MACO1: variants seen among roughly 807,000 people sequenced by gnomAD.
MACO1 encodes the protein macoilin 1, also known as macoilin.
Under a neutral mutation model 78.7 loss-of-function variants are expected in MACO1, and 14 were observed. The observed-to-expected ratio is 0.18, with a 90% CI of 0.12 to 0.28. The LOEUF (loss-of-function observed/expected upper bound fraction) is 0.28. MACO1 is among the 10% of genes least tolerant of loss of function. MACO1 has a pLI of 1.00. For missense variants in MACO1, 501 were observed against 799.0 expected, an observed-to-expected ratio of 0.63 and a Z score of 4.50; for synonymous variants, 288 against 291.6, an observed-to-expected ratio of 0.99 and a Z score of 0.12.
chr1:25,484,539 T>G (rs1422532734), intron 7 of MACO1, among the ~76,000 whole-genome samples: 1 of 152,256 alleles, frequency 6.6e-6, no homozygotes, highest in Non-Finnish European at 1.5e-5. Context: ...AAATAGTTAT[T>G]GAGTTTTTGG....
At chr1:25,451,014 A>G (rs1022489364) in intron 3 of MACO1, among the ~76,000 whole-genome samples, 2 of 151,900 alleles carry the variant, frequency 1.3e-5, no homozygotes, top group Non-Finnish European at 2.9e-5. Flanking sequence ...ACCTATTGGA[A>G]ACTAGTTCAG....
chr1:25,437,177 C>A (rs1482179463), intron 1 of MACO1, among the ~76,000 whole-genome samples: 1 of 151,030 alleles, frequency 6.6e-6, no homozygotes, highest in Non-Finnish European at 1.5e-5. Context: ...TTCTGTCGCC[C>A]AGGCTGGAGT....
At chr1:25,471,410 G>A (rs1382028839) in intron 6 of MACO1, among the ~76,000 whole-genome samples, 2 of 151,916 alleles carry the variant, frequency 1.3e-5, no homozygotes. Context: ...AAAATTACTT[G>A]AAATATATAC....
At chr1:25,445,953 C>G (rs1014137303) in intron 1 of MACO1, among the ~76,000 whole-genome samples, 1 of 152,106 alleles carries the variant, frequency 6.6e-6, no homozygotes, top group African/African-American at 2.4e-5. Context: ...GGAAAATTGA[C>G]CTATAGAGTA....
chr1:25,451,191 C>T (rs899927999), intron 3 of MACO1, among the ~76,000 whole-genome samples: 2 of 152,150 alleles, frequency 1.3e-5, no homozygotes, highest in African/African-American at 4.8e-5. Context: ...TCTTATTGGG[C>T]TGACAAATAT....
chr1:25,432,228 T>C (rs1215299709), intron 1 of MACO1, among the ~76,000 whole-genome samples: 6 of 152,214 alleles, frequency 3.9e-5, no homozygotes, highest in East Asian at 1.9e-4. Flanking sequence ...TCAAGAAATA[T>C]GTGAGGTAGC....
chr1:25,435,896 C>G (rs2042915338), intron 1 of MACO1, among the ~76,000 whole-genome samples: 2 of 152,216 alleles, frequency 1.3e-5, no homozygotes, highest in South Asian at 4.1e-4. Context: ...TGAAAAAGCA[C>G]TTTCCTCCAA....
At chr1:25,460,544 A>G (rs2043161994) in intron 6 of MACO1, among the ~76,000 whole-genome samples, 3 of 152,102 alleles carry the variant, frequency 2.0e-5, no homozygotes, top group South Asian at 2.1e-4. Context: ...AGCTGGGACT[A>G]CAGGCGCATG....
chr1:25,457,643 A>G (rs998797407), intron 5 of MACO1, among the ~76,000 whole-genome samples: 1 of 152,172 alleles, frequency 6.6e-6, no homozygotes, highest in Non-Finnish European at 1.5e-5. Context: ...TTCTAATGGA[A>G]TCTCTCTCAT....
intron 10 of MACO1, 62 bp from the exon 11 acceptor site, chr1:25,498,202 C>T (rs560183983): frequency 2.5e-6 from 4 of 1,575,204 alleles, no homozygotes; most frequent in East Asian, 4.5e-5. Flanking sequence ...GGATTGGCCC[C>T]TGGGGACATT....
chr1:25,439,771 C>A, intron 1 of MACO1, among the ~76,000 whole-genome samples: 1 of 151,584 alleles, frequency 6.6e-6, no homozygotes, highest in East Asian at 1.9e-4. Flanking sequence ...GTAATCCCAG[C>A]ACTTTGGGAG....
At chr1:25,474,175 A>C (rs1261671839) in intron 6 of MACO1, among the ~76,000 whole-genome samples, 1 of 152,200 alleles carries the variant, frequency 6.6e-6, no homozygotes, top group African/African-American at 2.4e-5. Context: ...TGTAGGCCCA[A>C]TGTTGCCAAG....
chr1:25,498,573 C>T lies in MACO1; in HGVS notation c.*107C>T, dbSNP rs770639932. On this transcript the variant is annotated 3_prime_UTR_variant, in exon 11 of 11. Transcript: ENST00000374343. ...ACAGTTTCTATTGTATTTTGTGGAA[C>T]TGTATCTGTTGTCATTTTTAAAAAG... The T allele has an allele frequency of 3.7e-5, 39 of 1,067,830 alleles. No individual in the cohort carries two copies. Among genetic ancestry groups the T allele is most frequent in the Non-Finnish European group, 5.2e-5 (38 of 734,260 alleles). 66.1% of individuals were successfully genotyped at this position (1,067,830 alleles called of 1,614,324 possible).
At chr1:25,454,489 T>TA (rs371533394) in intron 4 of MACO1, 107 bp downstream of exon 4, 3,151 of 89,240 alleles carry the variant, frequency 0.035, 81 homozygotes, top group African/African-American at 0.13. Context: ...TATATATATA[T>TA]TTTTTTTTTT....
intron 3 of MACO1, among the ~76,000 whole-genome samples, chr1:25,450,649 C>T (rs1325575951): frequency 2.0e-5 from 3 of 152,186 alleles, no homozygotes; most frequent in Non-Finnish European, 4.4e-5. Context: ...AAAGTATCTG[C>T]TATGAGCATG....
chr1:25,465,754 G>C (rs979592312), intron 6 of MACO1, among the ~76,000 whole-genome samples: 3 of 151,986 alleles, frequency 2.0e-5, no homozygotes, highest in African/African-American at 7.3e-5. Flanking sequence ...TCTCATTATC[G>C]ACCCTCCTTC....
At chr1:25,482,491 C>T (rs981286968) in intron 6 of MACO1, among the ~76,000 whole-genome samples, 24 of 152,178 alleles carry the variant, frequency 1.6e-4, no homozygotes, top group Non-Finnish European at 3.1e-4. Flanking sequence ...CTTGCCCGCA[C>T]ATGTCTATGG....
At chr1:25,495,012 G>A (rs114997600) in intron 10 of MACO1, among the ~76,000 whole-genome samples, 7,224 of 152,190 alleles carry the variant, frequency 0.047, 541 homozygotes, top group African/African-American at 0.16. Flanking sequence ...GAATCACACT[G>A]CTTTAATCTG....
At chr1:25,443,587 T>G (rs2124573550) in intron 1 of MACO1, among the ~76,000 whole-genome samples, 1 of 152,330 alleles carries the variant, frequency 6.6e-6, no homozygotes, top group East Asian at 1.9e-4. Flanking sequence ...AGTTATGCAA[T>G]TGAAAAAGAA....
Sources: allele counts gnomAD v4.1 joint callset (sites outside exome capture counted in the v4.1 genomes callset), GRCh38; gene constraint gnomAD v4.1.1; transcripts MANE v1.5; gene names NCBI Gene and HGNC (gene_info 2026-07-23, HGNC 2026-07-21).